COL5A2: variants seen among roughly 807,000 people sequenced by gnomAD.
The protein encoded by COL5A2 is collagen alpha-2(V) chain.
A neutral mutation model predicts 208.2 loss-of-function variants in COL5A2; 23 were observed. The observed-to-expected ratio is 0.11, with a 90% confidence interval of 0.08 to 0.16. The LOEUF (loss-of-function observed/expected upper bound fraction) is 0.16. COL5A2 is among the 10% of genes least tolerant of loss of function. The pLI, the probability that COL5A2 is intolerant of heterozygous loss-of-function variation, is 1.00. For missense variants in COL5A2, 1,590 were observed against 1,956.4 expected, an observed-to-expected ratio of 0.81 and a Z score of 3.53; for synonymous variants, 625 against 628.5, an observed-to-expected ratio of 0.99 and a Z score of 0.08.
chr2:189,409,279 A>G, the COL5A2 span, among the ~76,000 whole-genome samples: 1 of 138,834 alleles, frequency 7.2e-6, no homozygotes, highest in Non-Finnish European at 1.5e-5. Flanking sequence ...TCGCATGATC[A>G]TAGCTCATTG....
chr2:189,217,722 C>T (rs1052803061), intron 1 of COL5A2, among the ~76,000 whole-genome samples: 2 of 152,126 alleles, frequency 1.3e-5, no homozygotes, highest in African/African-American at 2.4e-5. Flanking sequence ...GGCATCTCTA[C>T]GGGTGGTCCA....
At chr2:189,285,858 A>G in the COL5A2 span, among the ~76,000 whole-genome samples, 2 of 152,142 alleles carry the variant, frequency 1.3e-5, no homozygotes, top group African/African-American at 4.8e-5. Flanking sequence ...CATGAAGCAA[A>G]TGAGTGGACA....
rs6750027 is a variant in COL5A2, at chr2:189,053,611, T to C, written c.2500-134A>G. The C allele has an allele frequency of 0.91, 758,652 of 831,206 alleles. 348,731 individuals are homozygous for C. Among genetic ancestry groups the C allele is most frequent in the Non-Finnish European group, 0.95 (483,854 of 506,814 alleles). The allele number at this position is 831,206 out of a possible 1,614,324, so 51.5% of individuals were successfully genotyped here. ...AATTACACATATTGCTTAAGGAAGG[T>C]CCTTAAGGATTATATAAAGATATAG... On this transcript the variant is annotated intron_variant, in intron 37 of 53. Coordinates refer to ENST00000374866, the MANE Select transcript of COL5A2 (RefSeq NM_000393.5).
the COL5A2 span, among the ~76,000 whole-genome samples, chr2:189,440,915 C>T: frequency 6.6e-6 from 1 of 152,150 alleles, no homozygotes; most frequent in Admixed American, 6.6e-5. Context: ...AGGAAGAAAG[C>T]TAGGCCCTAG....
chr2:189,155,583 T>C (rs1313645698), intron 1 of COL5A2, among the ~76,000 whole-genome samples: 3 of 152,202 alleles, frequency 2.0e-5, no homozygotes, highest in African/African-American at 7.2e-5. Context: ...GCTACATGTG[T>C]TAGTGTATAT....
chr2:189,405,662 A>G, the COL5A2 span, among the ~76,000 whole-genome samples: 15 of 152,390 alleles, frequency 9.8e-5, no homozygotes, highest in African/African-American at 3.6e-4. Flanking sequence ...TAGGTTAAAA[A>G]TACAAAGGAG....
the COL5A2 span, among the ~76,000 whole-genome samples, chr2:189,320,367 C>T: frequency 1.3e-4 from 20 of 152,194 alleles, no homozygotes; most frequent in East Asian, 7.7e-4. Flanking sequence ...CAAACGTCTC[C>T]GAGCTAAAGG....
At chr2:189,381,675 G>A in the COL5A2 span, among the ~76,000 whole-genome samples, 7 of 151,688 alleles carry the variant, frequency 4.6e-5, no homozygotes, top group Admixed American at 1.3e-4. Flanking sequence ...AAATACTTGC[G>A]GTATGTTATG....
chr2:189,219,330 C>G (rs536803632), intron 1 of COL5A2, among the ~76,000 whole-genome samples: 64 of 152,114 alleles, frequency 4.2e-4, no homozygotes, highest in Non-Finnish European at 8.1e-4. Context: ...ACACTCCAGT[C>G]AAAAAACTCT....
intron 30 of COL5A2, 131 bp from the exon 31 acceptor site, chr2:189,060,914 C>T (rs1686017078): frequency 3.0e-6 from 2 of 676,142 alleles, no homozygotes; most frequent in Admixed American, 2.6e-5. Flanking sequence ...ATTGTTCAGA[C>T]ATTTTAAGTA....
At chr2:189,236,837 G>C in the COL5A2 span, among the ~76,000 whole-genome samples, 1 of 151,690 alleles carries the variant, frequency 6.6e-6, no homozygotes, top group Admixed American at 6.6e-5. Flanking sequence ...CTCTTTTAAT[G>C]ATAACTTATG....
At chr2:189,347,377 AG>A in the COL5A2 span, among the ~76,000 whole-genome samples, 1 of 152,180 alleles carries the variant, frequency 6.6e-6, no homozygotes. Flanking sequence ...AGAAAGAGGG[AG>A]GTAAGAAAAA....
intron 51 of COL5A2, 51 bp from the exon 52 acceptor site, chr2:189,036,854 C>A: frequency 7.5e-7 from 1 of 1,325,320 alleles, no homozygotes; most frequent in Non-Finnish European, 1.1e-6. Flanking sequence ...TCAATCATGA[C>A]TATAAGTCTC....
chr2:189,205,000 G>C (rs73980183), intron 1 of COL5A2, among the ~76,000 whole-genome samples: 4,536 of 152,212 alleles, frequency 0.03, 81 homozygotes, highest in Admixed American at 0.046. Context: ...CCTGGAAATA[G>C]GGAAGGAGAC....
the COL5A2 span, among the ~76,000 whole-genome samples, chr2:189,321,187 A>G: frequency 1.2e-3 from 178 of 152,346 alleles, no homozygotes; most frequent in Middle Eastern, 3.4e-3. Context: ...GGAGAGGAAC[A>G]ACCAGTACCA....
At chr2:189,182,815 G>T (rs62182458), upstream of COL5A2, among the ~76,000 whole-genome samples, 22,868 of 152,002 alleles carry the variant, frequency 0.15, 2,030 homozygotes, top group Non-Finnish European at 0.2. Context: ...TATATGCTCT[G>T]GCTTATAAGA....
chr2:189,076,078 A>C (rs990314246), intron 16 of COL5A2, among the ~76,000 whole-genome samples: 1 of 152,158 alleles, frequency 6.6e-6, no homozygotes. Flanking sequence ...CCTGAAATTG[A>C]CTGAGATCTC....
intron 46 of COL5A2, among the ~76,000 whole-genome samples, chr2:189,045,494 T>C (rs748334824): frequency 3.3e-5 from 5 of 152,182 alleles, no homozygotes; most frequent in African/African-American, 4.8e-5. Flanking sequence ...AGTATCACCT[T>C]AGTTGAATAC....
At chr2:189,295,996 ACAG>A in the COL5A2 span, among the ~76,000 whole-genome samples, 1 of 152,102 alleles carries the variant, frequency 6.6e-6, no homozygotes, top group African/African-American at 2.4e-5. Context: ...TCCAGGATTT[ACAG>A]GTTTCTGAAG....
Sources: allele counts gnomAD v4.1 joint callset (sites outside exome capture counted in the v4.1 genomes callset), GRCh38; gene constraint gnomAD v4.1.1; transcripts MANE v1.5; gene names NCBI Gene and HGNC (gene_info 2026-07-23, HGNC 2026-07-21).